Variants in ADAM9 observed in about 807,000 individuals in gnomAD.
ADAM9 encodes the protein ADAM metallopeptidase domain 9, also known as disintegrin and metalloproteinase domain-containing protein 9.
Under a neutral mutation model 108.1 loss-of-function variants are expected in ADAM9, and 54 were observed. That is an observed-to-expected ratio of 0.50 (90% CI 0.40 to 0.63). ADAM9 has a LOEUF of 0.63. ADAM9 is among the 20% of genes least tolerant of loss of function. The probability of loss-of-function intolerance (pLI) is 0.00; values close to 1 mark genes in which losing one functional copy is unlikely to be tolerated. For synonymous variants in ADAM9, 316 were observed against 336.0 expected (o/e 0.94, Z 0.65); for missense variants, 830 against 997.7 (o/e 0.83, Z 2.26).
intron 14 of ADAM9, among the ~76,000 whole-genome samples, chr8:39,069,620 C>T (rs1179805598): frequency 6.6e-6 from 1 of 152,082 alleles, no homozygotes; most frequent in East Asian, 1.9e-4. Context: ...CCTGAGGTCA[C>T]ACAACAGAAA....
intron 14 of ADAM9, among the ~76,000 whole-genome samples, chr8:39,060,831 A>G (rs767507798): frequency 6.6e-6 from 1 of 152,240 alleles, no homozygotes; most frequent in Non-Finnish European, 1.5e-5. Context: ...TAAGTAGGAC[A>G]GTGAAGGTGT....
intron 3 of ADAM9, among the ~76,000 whole-genome samples, chr8:39,013,611 T>C (rs992279577): frequency 6.6e-6 from 1 of 151,252 alleles, no homozygotes; most frequent in African/African-American, 2.4e-5. Flanking sequence ...TAAGCAATCC[T>C]CCCACCTTAG....
chr8:39,080,948 G>GT (rs397808791), intron 16 of ADAM9, among the ~76,000 whole-genome samples: 49,299 of 108,712 alleles, frequency 0.45, 12,486 homozygotes, highest in East Asian at 0.73. Context: ...CACTGTGAGA[G>GT]TTTTTTTTTT....
Position 39,041,991 on chromosome 8 carries a change from GT to G in ADAM9, c.1178del (p.Leu393Ter). 6.2e-7 allele frequency: 1 copy of G among 1,614,106 alleles called. No homozygotes were observed. Among genetic ancestry groups the G allele is most frequent in the Non-Finnish European group, 8.5e-7 (1 of 1,179,942 alleles). On this transcript the variant is annotated frameshift_variant, in exon 12 of 22. Coordinates refer to ENST00000487273, the MANE Select transcript of ADAM9 (RefSeq NM_003816.3). LOFTEE classifies it high-confidence loss of function. ...GTTGCAGTGCAGAGGACTTTGAGAAGTTAACTTTAAATAAAGGAGGAAACTG... is the reference window on the plus strand; with the variant it reads ...GTTGCAGTGCAGAGGACTTTGAGAAGTAACTTTAAATAAAGGAGGAAACTG... Reference protein sequence around the residue: ...SSCSAEDFEKLTLNKGGNCLL... With the variant: ...SSCSAEDFEKXTLNKGGNCLL...
Position 39,019,048 on chromosome 8 carries a change from G to T in ADAM9, c.672+130G>T, listed in dbSNP as rs1043899600. On this transcript the variant is annotated intron_variant, in intron 7 of 21. Transcript: ENST00000487273. ...AAATAATGATTTTAAAACTAAAATG[G>T]TTTTTTTCCCTTAAACTTTATACCA... The T allele has an allele frequency of 3.0e-5, 29 of 951,356 alleles. No individual in the cohort carries two copies. In the East Asian group the frequency reaches 3.4e-4, roughly 11 times the overall value. The allele number at this position is 951,356 out of a possible 1,614,324, so 58.9% of individuals were successfully genotyped here.
At chr8:39,013,264 G>A (rs949005405) in intron 3 of ADAM9, among the ~76,000 whole-genome samples, 1 of 152,076 alleles carries the variant, frequency 6.6e-6, no homozygotes, top group Non-Finnish European at 1.5e-5. Flanking sequence ...TTTAAGAAAA[G>A]AGTGTAAAAA....
intron 1 of ADAM9, among the ~76,000 whole-genome samples, chr8:39,004,991 A>G (rs777039930): frequency 6.6e-6 from 1 of 152,180 alleles, no homozygotes; most frequent in African/African-American, 2.4e-5. Context: ...GTGACTAAGA[A>G]TGCCTAACCT....
intron 2 of ADAM9, among the ~76,000 whole-genome samples, chr8:39,009,547 C>T (rs1432276900): frequency 6.6e-6 from 1 of 152,170 alleles, no homozygotes; most frequent in Non-Finnish European, 1.5e-5. Flanking sequence ...TCCTTTTCTA[C>T]AGTCAATGGT....
intron 14 of ADAM9, among the ~76,000 whole-genome samples, chr8:39,065,063 T>G (rs1224110901): frequency 1.3e-5 from 2 of 152,134 alleles, no homozygotes; most frequent in Non-Finnish European, 1.5e-5. Context: ...TTTTTTTTAG[T>G]TCTGGAAATT....
intron 20 of ADAM9, among the ~76,000 whole-genome samples, chr8:39,097,278 C>T (rs1042057016): frequency 2.0e-5 from 3 of 151,314 alleles, no homozygotes; most frequent in South Asian, 2.1e-4. Flanking sequence ...AAGAGCACCC[C>T]CAGGTGTCTG....
At chr8:39,060,743 A>AT (rs1838273397) in intron 14 of ADAM9, among the ~76,000 whole-genome samples, 1 of 152,178 alleles carries the variant, frequency 6.6e-6, no homozygotes, top group South Asian at 2.1e-4. Context: ...GACTAGTGTG[A>AT]TATTTTGTGG....
chr8:39,009,928 G>GAC (rs780107198), intron 2 of ADAM9, among the ~76,000 whole-genome samples: 1,262 of 61,360 alleles, frequency 0.021, 24 homozygotes, highest in Non-Finnish European at 0.027. Flanking sequence ...GAGAGAGAGA[G>GAC]AGAGACAAAA....
At chr8:39,087,560 A>G (rs139133516) in intron 18 of ADAM9, among the ~76,000 whole-genome samples, 267 of 152,306 alleles carry the variant, frequency 1.8e-3, no homozygotes, top group African/African-American at 6.1e-3. Context: ...CATTTTTCCA[A>G]TTGAAGAATC....
chr8:39,022,062 ATTTGTGTGTGTGTGTG>A (rs1203296609), intron 8 of ADAM9, among the ~76,000 whole-genome samples: 63 of 138,832 alleles, frequency 4.5e-4, no homozygotes, highest in Non-Finnish European at 1.1e-4. Flanking sequence ...ATATGACAAT[ATTTGTGTGTGTGTGTG>A]TGTGTGTGTG....
rs774523542 is a variant in ADAM9 at position 39,055,727 on chromosome 8, A to G, written c.1546A>G (p.Met516Val). The G allele has an allele frequency of 4.2e-5, 68 of 1,613,574 alleles. No individual in the cohort carries two copies. Among genetic ancestry groups the G allele is most frequent in the Non-Finnish European group, 5.3e-5 (63 of 1,179,734 alleles). ...QNNKAYCYNGMCQYYDAQCQV... is the reference protein window; with the variant it reads ...QNNKAYCYNGVCQYYDAQCQV... ...TAACAAAGCCTATTGCTACAACGGC[A>G]TGTGCCAGTATTATGATGCTCAATG... Residue 516 changes from methionine (M) to valine (V), a missense_variant, in exon 14 of 22, where the codon ATG (methionine) becomes GTG (valine). Physicochemically the swap from Met to Val is conservative, Grantham distance 21. Transcript: ENST00000487273.
chr8:39,071,487 A>G (rs1325934425), intron 15 of ADAM9, 84 bp downstream of exon 15: 72 of 909,948 alleles, frequency 7.9e-5, no homozygotes, highest in Non-Finnish European at 1.1e-4. Flanking sequence ...TTTTTTTTTG[A>G]GACGGAGTCT....
intron 6 of ADAM9, chr8:39,018,572 CAT>C: frequency 2.5e-6 from 1 of 394,624 alleles, no homozygotes. Flanking sequence ...ACATTTTTCT[CAT>C]ATTAGTGCAG....
chr8:39,019,035 T>A, intron 7 of ADAM9, 117 bp downstream of exon 7: 1 of 1,058,072 alleles, frequency 9.5e-7, no homozygotes, highest in East Asian at 2.6e-5. Context: ...ATAATGATTT[T>A]AAAACTAAAA....
intron 1 of ADAM9, among the ~76,000 whole-genome samples, chr8:39,003,879 A>C (rs1836081008): frequency 6.6e-6 from 1 of 152,200 alleles, no homozygotes. Context: ...AAAGAAGGAA[A>C]AAAAGTTACG....
Sources: gnomAD v4.1 joint callset for allele counts (sites outside exome capture counted in the v4.1 genomes callset) on GRCh38, gnomAD v4.1.1 for gene constraint, MANE v1.5 for transcripts, NCBI Gene and HGNC (gene_info 2026-07-23, HGNC 2026-07-21) for gene names.